COG5: variants seen among roughly 807,000 people sequenced by gnomAD.
COG5 encodes the protein component of oligomeric golgi complex 5.
Under a neutral mutation model 110.4 loss-of-function variants are expected in COG5, and 86 were observed. The observed-to-expected ratio is 0.78, with a 90% CI of 0.65 to 0.93. The LOEUF (loss-of-function observed/expected upper bound fraction) is 0.93. Among genes scored for constraint, COG5 ranks in the 40% least tolerant of loss-of-function variants. The pLI is 0.00. For synonymous variants in COG5, 360 were observed against 334.6 expected (o/e 1.08, Z -0.83); for missense variants, 1,077 against 987.0 (o/e 1.09, Z -1.22).
At chr7:107,459,485 T>A (rs755271944) in intron 6 of COG5, among the ~76,000 whole-genome samples, 2 of 151,440 alleles carry the variant, frequency 1.3e-5, no homozygotes, top group Non-Finnish European at 2.9e-5. Context: ...AAAAAAAAAA[T>A]TATCTTTATT....
At chr7:107,217,495 A>C (rs1799611350) in intron 19 of COG5, among the ~76,000 whole-genome samples, 1 of 152,158 alleles carries the variant, frequency 6.6e-6, no homozygotes, top group African/African-American at 2.4e-5. Context: ...TCAACAAACT[A>C]CTAACAAATC....
chr7:107,450,897 C>T (rs1177994149), intron 6 of COG5, among the ~76,000 whole-genome samples: 1 of 152,168 alleles, frequency 6.6e-6, no homozygotes, highest in East Asian at 1.9e-4. Flanking sequence ...CCCAGAACCC[C>T]ATGAGGTTCA....
chr7:107,286,591 G>GTT, intron 12 of COG5, among the ~76,000 whole-genome samples: 1 of 152,128 alleles, frequency 6.6e-6, no homozygotes, highest in African/African-American at 2.4e-5. Flanking sequence ...AGACCTGAAG[G>GTT]TCAAAGTAAT....
intron 6 of COG5, among the ~76,000 whole-genome samples, chr7:107,423,959 T>TA (rs1793465174): frequency 6.6e-6 from 1 of 152,112 alleles, no homozygotes; most frequent in Non-Finnish European, 1.5e-5. Context: ...AAAATATTTC[T>TA]AGAAAATGCA....
At chr7:107,422,690 TAAAAA>T (rs972014653) in intron 6 of COG5, among the ~76,000 whole-genome samples, 2 of 142,232 alleles carry the variant, frequency 1.4e-5, no homozygotes, top group African/African-American at 5.3e-5. Flanking sequence ...TAATGAAACT[TAAAAA>T]AAAAAAAAAG....
At chr7:107,489,030 A>G (rs887179457) in intron 6 of COG5, among the ~76,000 whole-genome samples, 2 of 152,134 alleles carry the variant, frequency 1.3e-5, no homozygotes, top group African/African-American at 4.8e-5. Context: ...GTTCCTTGAA[A>G]AAGTTTTTCT....
At chr7:107,285,667 T>C (rs1319959627) in intron 12 of COG5, among the ~76,000 whole-genome samples, 1 of 151,938 alleles carries the variant, frequency 6.6e-6, no homozygotes, top group Non-Finnish European at 1.5e-5. Context: ...AAGTATTTCC[T>C]AGGTGCAGAA....
At position 107,283,807 on chromosome 7, in the gene COG5, C is replaced by T. The variant is rs534484501; in HGVS notation, c.1314-75G>A. On this transcript the variant is annotated intron_variant, in intron 12 of 21. Transcript: ENST00000297135. ...ATGCTATTGTATCAGGCTGTAAATA[C>T]CTTTTTAAAAAATGCACCTCCCATA... The T allele has an allele frequency of 3.7e-6, 4 of 1,089,072 alleles. No individual in the cohort carries two copies. In the South Asian group the frequency reaches 3.9e-5, roughly 11 times the overall value. The allele number at this position is 1,089,072 out of a possible 1,614,324, so 67.5% of individuals were successfully genotyped here. A position where few individuals can be genotyped will look rare whatever the true frequency, so the allele number is the denominator to read the frequency against.
chr7:107,473,950 G>A (rs1584869834), intron 6 of COG5: 9 of 405,890 alleles, frequency 2.2e-5, no homozygotes, highest in South Asian at 3.8e-5. Flanking sequence ...GTACACAATT[G>A]AAAGATTTTT....
At chr7:107,327,452 C>T (rs1274234811) in intron 10 of COG5, among the ~76,000 whole-genome samples, 1 of 151,942 alleles carries the variant, frequency 6.6e-6, no homozygotes, top group South Asian at 2.1e-4. Context: ...CTGGACTATA[C>T]CTAACTTGAG....
intron 6 of COG5, among the ~76,000 whole-genome samples, chr7:107,524,960 T>C (rs2520258): frequency 0.58 from 88,583 of 151,924 alleles, 27,910 homozygotes; most frequent in African/African-American, 0.84. Flanking sequence ...GACAGAGTCT[T>C]GCTCTGTCAC....
intron 11 of COG5, among the ~76,000 whole-genome samples, chr7:107,301,951 T>A (rs1404924056): frequency 6.6e-6 from 1 of 152,160 alleles, no homozygotes; most frequent in East Asian, 1.9e-4. Flanking sequence ...AAAAATTGTA[T>A]ACTTATTTTG....
intron 7 of COG5, among the ~76,000 whole-genome samples, chr7:107,378,410 A>C (rs1399129176): frequency 1.3e-5 from 2 of 152,192 alleles, no homozygotes; most frequent in African/African-American, 4.8e-5. Flanking sequence ...ACAAAACTGG[A>C]TGGAGAATGA....
intron 7 of COG5, 113 bp from the exon 8 acceptor site, chr7:107,372,873 T>C (rs921343876): frequency 3.3e-5 from 29 of 871,272 alleles, no homozygotes; most frequent in Admixed American, 8.4e-5. Flanking sequence ...ATTTAAATAC[T>C]ACCATATTTT....
intron 5 of COG5, among the ~76,000 whole-genome samples, chr7:107,537,844 T>A (rs1315060541): frequency 6.6e-6 from 1 of 151,894 alleles, no homozygotes; most frequent in South Asian, 2.1e-4. Context: ...ATGCTCAATA[T>A]CATTAGCCAT....
At chr7:107,522,372 G>A (rs1490290353) in intron 6 of COG5, among the ~76,000 whole-genome samples, 1 of 152,310 alleles carries the variant, frequency 6.6e-6, no homozygotes, top group East Asian at 1.9e-4. Flanking sequence ...GGAGGCTGAG[G>A]CAAGAGAGTC....
In COG5 at chr7:107,292,478, G is replaced by T. The variant is rs754025134; in HGVS notation, c.1313+5664C>A. On this transcript the variant is annotated intron_variant, in intron 12 of 21. Coordinates refer to ENST00000297135, the MANE Select transcript of COG5 (RefSeq NM_006348.5). Reference sequence around the variant, plus strand: ...GGCCTCCATAACAACTTTTAGAACTGACTGAGTGGTTAAGCTAAATATTAA... The same window carrying T: ...GGCCTCCATAACAACTTTTAGAACTTACTGAGTGGTTAAGCTAAATATTAA... Among the ~76,000 whole-genome samples the T allele has an allele frequency of 3.3e-5, 5 of 152,228 alleles. No individual in the cohort carries two copies. The East Asian group carries it at 9.6e-4, about 29-fold the overall frequency.
chr7:107,502,657 A>C (rs1798710227), intron 6 of COG5, among the ~76,000 whole-genome samples: 1 of 152,016 alleles, frequency 6.6e-6, no homozygotes, highest in Admixed American at 6.6e-5. Context: ...AAGCATTACC[A>C]CATCCACACA....
intron 5 of COG5, among the ~76,000 whole-genome samples, chr7:107,546,467 G>A (rs1406122817): frequency 8.6e-6 from 1 of 115,694 alleles, no homozygotes; most frequent in Admixed American, 9.9e-5. Flanking sequence ...ACAAGGTCTC[G>A]CTCTTTTGTC....
Sources: allele counts gnomAD v4.1 joint callset (sites outside exome capture counted in the v4.1 genomes callset), GRCh38; gene constraint gnomAD v4.1.1; transcripts MANE v1.5; gene names NCBI Gene and HGNC (gene_info 2026-07-23, HGNC 2026-07-21).